MLLT10: variants seen among roughly 807,000 people sequenced by gnomAD.
The protein encoded by MLLT10 is MLLT10 histone lysine methyltransferase DOT1L cofactor, also known as protein AF-10.
Under a neutral mutation model 129.1 loss-of-function variants are expected in MLLT10, and 30 were observed. That is an observed-to-expected ratio of 0.23 (90% CI 0.17 to 0.32). The LOEUF is 0.32. Ranked by LOEUF, MLLT10 falls within the 10% of genes least tolerant of loss-of-function variation. MLLT10 has a pLI of 1.00. For synonymous variants in MLLT10, 490 were observed against 446.4 expected, an observed-to-expected ratio of 1.10 and a Z score of -1.23; for missense variants, 1,119 against 1,268.3, an observed-to-expected ratio of 0.88 and a Z score of 1.79.
intron 14 of MLLT10, among the ~76,000 whole-genome samples, chr10:21,720,894 T>C (rs1295081054): frequency 2.0e-5 from 3 of 152,220 alleles, no homozygotes; most frequent in Non-Finnish European, 4.4e-5. Flanking sequence ...TCTCACAGTG[T>C]TCCTATGAGG....
chr10:21,584,583 C>T (rs1261147375), intron 3 of MLLT10, among the ~76,000 whole-genome samples: 2 of 151,926 alleles, frequency 1.3e-5, no homozygotes, highest in East Asian at 1.9e-4. Flanking sequence ...CAAAGTGCTG[C>T]GATTATATGT....
chr10:21,727,984 ACTTT>A, intron 16 of MLLT10, 56 bp downstream of exon 16: 1 of 1,452,116 alleles, frequency 6.9e-7, no homozygotes, highest in Non-Finnish European at 9.6e-7. Context: ...AGATTTGGAA[ACTTT>A]CTTATCTCAT....
chr10:21,573,586 G>A (rs2040430726), intron 3 of MLLT10, among the ~76,000 whole-genome samples: 1 of 151,706 alleles, frequency 6.6e-6, no homozygotes, highest in Non-Finnish European at 1.5e-5. Context: ...TGGTGTCATG[G>A]TGTATTATTC....
chr10:21,544,445 G>T (rs1003128625), intron 3 of MLLT10, among the ~76,000 whole-genome samples: 2 of 152,276 alleles, frequency 1.3e-5, no homozygotes, highest in Admixed American at 1.3e-4. Flanking sequence ...CTGGACTGGG[G>T]ATAGCTAACT....
intron 9 of MLLT10, among the ~76,000 whole-genome samples, chr10:21,656,485 G>A (rs1228962104): frequency 1.3e-5 from 2 of 152,060 alleles, no homozygotes; most frequent in African/African-American, 2.4e-5. Context: ...TGTAGTGTTT[G>A]CACAGTTTTA....
intron 9 of MLLT10, chr10:21,661,733 A>G (rs2050231101): frequency 6.6e-6 from 1 of 152,194 alleles, no homozygotes; most frequent in Admixed American, 6.5e-5. Context: ...GTGCTGCCAA[A>G]GTGAGCACGA....
intron 2 of MLLT10, among the ~76,000 whole-genome samples, chr10:21,535,066 CGGCGG>C (rs922835427): frequency 3.7e-4 from 47 of 127,100 alleles, no homozygotes; most frequent in East Asian, 1.6e-3. Context: ...TCTGCTGACT[CGGCGG>C]GGCGGGGCGG....
chr10:21,670,558 C>A lies in MLLT10; in HGVS notation c.905C>A (p.Ser302Tyr). ...TTCCAGGAAGTCTCTGCACACACCT[C>A]TAGTGGAAAAGATGTTTCAGAGACT... The part of the protein sequence containing the change: ...ANFQEVSAHT[S>Y]SGKDVSETRG... Residue 302 changes from serine (S) to tyrosine (Y), a missense_variant, in exon 10 of 23, where the codon TCT (serine) becomes TAT (tyrosine). Physicochemically the swap from Ser to Tyr is moderately radical, Grantham distance 144. Transcript: ENST00000307729. The A allele has an allele frequency of 6.2e-7, 1 of 1,614,112 alleles. No individual in the cohort carries two copies. The highest frequency in any genetic ancestry group is 8.5e-7 in the Non-Finnish European group (1 of 1,180,030).
intron 3 of MLLT10, among the ~76,000 whole-genome samples, chr10:21,571,198 A>T (rs572648752): frequency 6.6e-6 from 1 of 152,162 alleles, no homozygotes; most frequent in Non-Finnish European, 1.5e-5. Flanking sequence ...TCTGGATGCT[A>T]TTACCTCTAA....
chr10:21,614,150 T>TAAGGCTG (rs1042352769), intron 6 of MLLT10, among the ~76,000 whole-genome samples: 1 of 148,252 alleles, frequency 6.7e-6, no homozygotes, highest in Non-Finnish European at 1.5e-5. Context: ...CCCAGGAGGT[T>TAAGGCTG]AAGGCTGCAG....
intron 13 of MLLT10, among the ~76,000 whole-genome samples, chr10:21,686,653 T>G (rs1344334380): frequency 6.6e-6 from 1 of 152,136 alleles, no homozygotes; most frequent in Admixed American, 6.6e-5. Context: ...TGAAGACATA[T>G]GCTTTAAACT....
chr10:21,732,219 ACT>A (rs757739053), intron 17 of MLLT10, among the ~76,000 whole-genome samples: 1 of 152,100 alleles, frequency 6.6e-6, no homozygotes. Context: ...TAACGGCAAC[ACT>A]CTGTGTTGTT....
intron 3 of MLLT10, among the ~76,000 whole-genome samples, chr10:21,561,091 T>G (rs570561720): frequency 2.6e-5 from 4 of 152,338 alleles, no homozygotes; most frequent in African/African-American, 4.8e-5. Flanking sequence ...TGCACAGAGA[T>G]TTTAATTGTG....
chr10:21,682,379 C>CA, intron 13 of MLLT10, 122 bp downstream of exon 13: 1 of 879,718 alleles, frequency 1.1e-6, no homozygotes, highest in South Asian at 2.0e-5. Flanking sequence ...TGCAGTGAGT[C>CA]AATTGTTCAG....
At chr10:21,704,100 C>G (rs142410831) in intron 13 of MLLT10, among the ~76,000 whole-genome samples, 35 of 147,562 alleles carry the variant, frequency 2.4e-4, no homozygotes, top group African/African-American at 8.2e-4. Flanking sequence ...GCCTCTGCCC[C>G]CTAGGTTCAA....
At chr10:21,584,566 G>A (rs1281144505) in intron 3 of MLLT10, among the ~76,000 whole-genome samples, 1 of 151,630 alleles carries the variant, frequency 6.6e-6, no homozygotes, top group African/African-American at 2.4e-5. Flanking sequence ...CTTCTGTTTT[G>A]GCCTCCCAAA....
chr10:21,658,596 T>G (rs1392986097), intron 9 of MLLT10, among the ~76,000 whole-genome samples: 2 of 152,208 alleles, frequency 1.3e-5, no homozygotes, highest in African/African-American at 4.8e-5. Flanking sequence ...TGTTTTTATT[T>G]CTCTTGCATG....
intron 9 of MLLT10, among the ~76,000 whole-genome samples, chr10:21,655,928 A>T (rs1217825214): frequency 6.6e-6 from 1 of 152,066 alleles, no homozygotes; most frequent in East Asian, 1.9e-4. Context: ...CTGTTGAAGG[A>T]GGGGTGGCAG....
intron 3 of MLLT10, among the ~76,000 whole-genome samples, chr10:21,552,639 G>A (rs1045113532): frequency 6.6e-6 from 1 of 151,874 alleles, no homozygotes; most frequent in East Asian, 1.9e-4. Context: ...TGATCCACCC[G>A]CCTCGGCCTC....
Sources: allele counts gnomAD v4.1 joint callset (sites outside exome capture counted in the v4.1 genomes callset), GRCh38; gene constraint gnomAD v4.1.1; transcripts MANE v1.5; gene names NCBI Gene and HGNC (gene_info 2026-07-23, HGNC 2026-07-21).